The following SLC17A6 variants were observed in gnomAD, a reference collection of about 807,000 sequenced individuals.
SLC17A6 encodes solute carrier family 17 member 6.
Under a neutral mutation model 67.1 loss-of-function variants are expected in SLC17A6, and 35 were observed. The observed-to-expected ratio is 0.52, with a 90% confidence interval of 0.40 to 0.69. SLC17A6 has a LOEUF of 0.69. SLC17A6 is among the 30% of genes least tolerant of loss of function. SLC17A6 has a pLI of 0.00. For missense variants in SLC17A6, 588 were observed against 723.9 expected, an observed-to-expected ratio of 0.81 and a Z score of 2.15; for synonymous variants, 285 against 252.3, an observed-to-expected ratio of 1.13 and a Z score of -1.23.
chr11:22,341,790 G>C lies in SLC17A6; in HGVS notation c.339+10G>C. The C allele has an allele frequency of 1.2e-6, 2 of 1,612,696 alleles. No homozygotes were observed. The highest frequency in any genetic ancestry group is 1.7e-6 in the Non-Finnish European group (2 of 1,179,032). On this transcript the variant is annotated intron_variant, in intron 2 of 11. Transcript: ENST00000263160. Reference sequence around the variant, plus strand: ...CAAGGTCATCAAGGAGGTGGGCAACGTCTGGCCGCCCTGGCTCCTGCCCTT... The same window carrying C: ...CAAGGTCATCAAGGAGGTGGGCAACCTCTGGCCGCCCTGGCTCCTGCCCTT...
chr11:22,343,832 G>C (rs1008679716), intron 3 of SLC17A6, among the ~76,000 whole-genome samples: 1 of 152,120 alleles, frequency 6.6e-6, no homozygotes, highest in Non-Finnish European at 1.5e-5. Flanking sequence ...CGCCCAGTTG[G>C]TGCTCTGGGT....
In SLC17A6 at chr11:22,376,595, A is replaced by G; in HGVS notation, c.1336A>G (p.Met446Val). 6.2e-7 allele frequency: 1 copy of G among 1,613,954 alleles called. No homozygotes were observed. The highest frequency in any genetic ancestry group is 8.5e-7 in the Non-Finnish European group (1 of 1,179,882). The change falls in exon 11 of 12, where the codon ATG becomes GTG. Residue 446 changes from methionine (M) to valine (V), a missense_variant. Met to Val is a conservative substitution (Grantham distance 21). This residue lies in a region of SLC17A6 where 414 missense variants were observed against 563.4 expected (regional missense o/e 0.73). Transcript: ENST00000263160. ...DIAPRYASIL[M>V]GISNGVGTLS... ...CGCTCCAAGATATGCCAGTATCTTA[A>G]TGGGCATTTCGAATGGTGTTGGCAC...
At chr11:22,351,404 CT>C (rs2133864081) in intron 3 of SLC17A6, among the ~76,000 whole-genome samples, 1 of 152,172 alleles carries the variant, frequency 6.6e-6, no homozygotes, top group South Asian at 2.1e-4. Context: ...CTCTCACACT[CT>C]TCTCTTTTGG....
rs765728495 is a variant in SLC17A6 at position 22,376,111 on chromosome 11, TC to T, written c.1285+20del. 3.4e-5 allele frequency: 53 copies of T among 1,572,714 alleles called. No individual in the cohort carries two copies. The highest frequency in any genetic ancestry group is 4.6e-5 in the Non-Finnish European group (53 of 1,147,078). On this transcript the variant is annotated intron_variant, in intron 10 of 11. Coordinates refer to ENST00000263160, the MANE Select transcript of SLC17A6 (RefSeq NM_020346.3). Reference sequence around the variant, plus strand: ...ATATCTGGTAAGATATAATTTTTTTTCTTTGTACTTGGGACATTCTGATTTT... The same window carrying T: ...ATATCTGGTAAGATATAATTTTTTTTTTTGTACTTGGGACATTCTGATTTT...
Position 22,341,529 on chromosome 11 carries a change from G to A in SLC17A6, c.88G>A (p.Val30Met), listed in dbSNP as rs367738817. Residue 30 changes from valine to methionine, a missense_variant and splice_region_variant, in exon 2 of 12, where the codon GTG becomes ATG. By Grantham distance (21) the Val-to-Met change is conservative (BLOSUM62 1). This residue lies in a region of SLC17A6 where 117 missense variants were observed against 98.7 expected (regional missense o/e 1.19). Coordinates refer to ENST00000263160, the MANE Select transcript of SLC17A6 (RefSeq NM_020346.3). Reference protein sequence around the residue: ...AGKSLGQIYRVLEKKQDTGET... With the variant: ...AGKSLGQIYRMLEKKQDTGET... ...ACTCGCCCCTGCTCTGCCGCGCAGG[G>A]TGCTGGAGAAGAAGCAAGACACCGG... 1.7e-5 allele frequency: 28 copies of A among 1,613,166 alleles called. No homozygotes were observed. Among genetic ancestry groups the A allele is most frequent in the African/African-American group, 2.7e-5 (2 of 74,936 alleles).
In SLC17A6 at chr11:22,343,443, A is replaced by G. The variant is rs1256433110; in HGVS notation, c.458+78A>G. ...AGGGGCAGCAGAAGCTGGAGCAGAG[A>G]CAACAGCCCAGAGGGGTTTGAGGAC... On this transcript the variant is annotated intron_variant, in intron 3 of 11. Coordinates refer to ENST00000263160, the MANE Select transcript of SLC17A6 (RefSeq NM_020346.3). 6 of 1,273,732 alleles carry G rather than the reference A, an allele frequency of 4.7e-6. No individual in the cohort carries two copies. In the East Asian group the frequency reaches 1.4e-4, roughly 29 times the overall value. The allele number at this position is 1,273,732 out of a possible 1,614,324, so 78.9% of individuals were successfully genotyped here. A position where few individuals can be genotyped will look rare whatever the true frequency, so the allele number is the denominator to read the frequency against.
At chr11:22,352,584 G>A (rs796541159) in intron 3 of SLC17A6, among the ~76,000 whole-genome samples, 48 of 152,274 alleles carry the variant, frequency 3.2e-4, no homozygotes, top group African/African-American at 1.1e-3. Flanking sequence ...GAAAAGCATT[G>A]TGCTAGCACC....
At chr11:22,346,411 C>T (rs1855876357) in intron 3 of SLC17A6, among the ~76,000 whole-genome samples, 1 of 152,170 alleles carries the variant, frequency 6.6e-6, no homozygotes, top group East Asian at 1.9e-4. Flanking sequence ...AGTATATTTA[C>T]TTTCCTGATC....
At chr11:22,362,708 C>G in intron 5 of SLC17A6, 31 bp from the exon 6 acceptor site, 1 of 1,551,626 alleles carries the variant, frequency 6.4e-7, no homozygotes, top group East Asian at 2.2e-5. Context: ...TGATTTCACT[C>G]ACCTTTCTCC....
intron 3 of SLC17A6, among the ~76,000 whole-genome samples, chr11:22,352,453 T>G (rs1855950949): frequency 6.6e-6 from 1 of 152,198 alleles, no homozygotes; most frequent in Non-Finnish European, 1.5e-5. Flanking sequence ...GAAATAAATA[T>G]TCATAGAAGA....
intron 2 of SLC17A6, among the ~76,000 whole-genome samples, chr11:22,342,158 C>G (rs1855822795): frequency 6.6e-6 from 1 of 152,148 alleles, no homozygotes; most frequent in South Asian, 2.1e-4. Flanking sequence ...CAGTCCCAGC[C>G]AAAACATTCT....
In SLC17A6 at chr11:22,366,829, C is replaced by A. The variant is rs572197509; in HGVS notation, c.891+1140C>A. Among the ~76,000 whole-genome samples, 47 of 151,930 alleles carry A rather than the reference C, an allele frequency of 3.1e-4. No individual in the cohort carries two copies. In the East Asian group the frequency reaches 7.0e-3, roughly 23 times the overall value. On this transcript the variant is annotated intron_variant, in intron 7 of 11. Coordinates refer to ENST00000263160, the MANE Select transcript of SLC17A6 (RefSeq NM_020346.3). ...AGACCAGTCTGGCCAACATGGGAAA[C>A]CCCGTCTCTACTAAAAATACAAAAA...
At chr11:22,343,508 A>T (rs1855843024) in intron 3 of SLC17A6, 143 bp downstream of exon 3, 1 of 631,196 alleles carries the variant, frequency 1.6e-6, no homozygotes, top group Non-Finnish European at 2.7e-6. Flanking sequence ...ACACCCTCTC[A>T]GGGCTGGAGC....
In SLC17A6 at chr11:22,367,327, C is replaced by A. The variant is rs141023107; in HGVS notation, c.891+1638C>A. Among the ~76,000 whole-genome samples the A allele has an allele frequency of 7.2e-3, 1,093 of 151,322 alleles. 18 individuals are homozygous for A. The highest frequency in any genetic ancestry group is 0.025 in the African/African-American group (1,049 of 41,310). Reference sequence around the variant, plus strand: ...ACCCATTATTGTTGAGCCAAATTGGCCCTTAATGAATAAGAAAAATCCCAT... The same window carrying A: ...ACCCATTATTGTTGAGCCAAATTGGACCTTAATGAATAAGAAAAATCCCAT... On this transcript the variant is annotated intron_variant, in intron 7 of 11. Transcript: ENST00000263160.
intron 1 of SLC17A6, among the ~76,000 whole-genome samples, chr11:22,339,552 A>G (rs1002446372): frequency 2.0e-5 from 3 of 152,166 alleles, no homozygotes; most frequent in Non-Finnish European, 2.9e-5. Context: ...CATTTCAAGT[A>G]TGTTATATGG....
chr11:22,341,849 T>C (rs1220118163), intron 2 of SLC17A6, 69 bp downstream of exon 2: 8 of 1,550,862 alleles, frequency 5.2e-6, no homozygotes, highest in African/African-American at 2.7e-5. Context: ...ACATCTCCTG[T>C]TTGAGCCCCG....
Position 22,357,585 on chromosome 11 carries a change from G to C in SLC17A6, c.459-1828G>C, listed in dbSNP as rs536304358. 3.5e-4 allele frequency among the ~76,000 whole-genome samples: 54 copies of C among 152,202 alleles called. No individual in the cohort carries two copies. In the Middle Eastern group the frequency reaches 0.01, roughly 29 times the overall value. Reference sequence around the variant, plus strand: ...ACGCCCAAATTTCAATCATGAAGAGGTTAAGAAACTAAGCTAAAGAATGGG... The same window carrying C: ...ACGCCCAAATTTCAATCATGAAGAGCTTAAGAAACTAAGCTAAAGAATGGG... On this transcript the variant is annotated intron_variant, in intron 3 of 11. Coordinates refer to ENST00000263160, the MANE Select transcript of SLC17A6 (RefSeq NM_020346.3).
intron 5 of SLC17A6, 136 bp from the exon 6 acceptor site, chr11:22,362,603 A>C: frequency 1.5e-6 from 1 of 676,942 alleles, no homozygotes; most frequent in Admixed American, 2.1e-5. Flanking sequence ...TTGGTGATGG[A>C]GGGTATGTGC....
At chr11:22,360,375 G>T (rs1201422009) in intron 4 of SLC17A6, among the ~76,000 whole-genome samples, 2 of 151,980 alleles carry the variant, frequency 1.3e-5, no homozygotes, top group African/African-American at 4.8e-5. Flanking sequence ...AATGAATGCT[G>T]GGCTTAATAC....
Sources: gnomAD v4.1 joint callset for allele counts (sites outside exome capture counted in the v4.1 genomes callset) on GRCh38, gnomAD v4.1.1 for gene constraint, gnomAD v4.1.1 regional missense constraint, MANE v1.5 for transcripts, NCBI Gene and HGNC (gene_info 2026-07-23, HGNC 2026-07-21) for gene names.